The following BCL9L variants were observed in gnomAD, a reference collection of about 807,000 sequenced individuals.
The protein encoded by BCL9L is B-cell CLL/lymphoma 9-like protein.
Under a neutral mutation model 99.4 loss-of-function variants are expected in BCL9L, and 19 were observed. The ratio of observed to expected loss-of-function variants is 0.19; its 90% CI spans 0.13 to 0.28. The LOEUF (loss-of-function observed/expected upper bound fraction) is 0.28. BCL9L is among the 10% of genes least tolerant of loss of function. The pLI is 1.00. For synonymous variants in BCL9L, 900 were observed against 854.8 expected (o/e 1.05, Z -0.92); for missense variants, 2,023 against 2,101.6 (o/e 0.96, Z 0.73).
At chr11:118,919,858 C>T (rs1330634252) in intron 1 of BCL9L, among the ~76,000 whole-genome samples, 1 of 152,196 alleles carries the variant, frequency 6.6e-6, no homozygotes, top group Non-Finnish European at 1.5e-5. Flanking sequence ...CTTTTCTGAG[C>T]TCATCTCCTA....
Position 118,909,926 on chromosome 11 carries a change from G to A in BCL9L, c.14C>T (p.Ala5Val). 1.9e-6 allele frequency: 3 copies of A among 1,614,080 alleles called. No homozygotes were observed. Among genetic ancestry groups the A allele is most frequent in the Non-Finnish European group, 2.5e-6 (3 of 1,179,972 alleles). The change falls in exon 3 of 10, where the codon GCT becomes GTT. Residue 5 changes from alanine (A) to valine (V), a missense_variant. Around this residue, in one of 3 missense-constraint regions of BCL9L, gnomAD observed 1,116 missense variants for 1,194.6 expected, o/e 0.93. Coordinates refer to ENST00000683865, the MANE Select transcript of BCL9L (RefSeq NM_001378213.1). MRIL[A>V]NKTRLPHPRR... Reference sequence around the variant, plus strand: ...GACACCCACACACCTTGTCTTGTTAGCCAGGATCCTCATGGCTCCCACACA... The same window carrying A: ...GACACCCACACACCTTGTCTTGTTAACCAGGATCCTCATGGCTCCCACACA...
rs1940713104 is a variant in BCL9L at position 118,910,034 on chromosome 11, A to G, written c.-76-19T>C. On this transcript the variant is annotated intron_variant, in intron 2 of 9. Transcript: ENST00000683865. ...GCACGGACTGCAGCAACAAGCCCCA[A>G]AGAGAAAACTCGTGACTTGGGGAGG... 6.4e-7 allele frequency: 1 copy of G among 1,568,414 alleles called. No homozygotes were observed. Among genetic ancestry groups the G allele is most frequent in the South Asian group, 1.1e-5 (1 of 89,276 alleles).
Position 118,898,169 on chromosome 11 carries a change from G to T in BCL9L, c.*246C>A, listed in dbSNP as rs976527160. On this transcript the variant is annotated 3_prime_UTR_variant, in exon 10 of 10. Coordinates refer to ENST00000683865, the MANE Select transcript of BCL9L (RefSeq NM_001378213.1). The stretch of plus-strand genomic sequence containing the variant: ...AGGCTCCATAGGAATTGGGAGGAGT[G>T]GGGGAGGGGCAGTCCTGGTGGCCGA... 1.0e-5 allele frequency: 6 copies of T among 593,494 alleles called. No individual in the cohort carries two copies. The highest frequency in any genetic ancestry group is 6.1e-5 in the South Asian group (3 of 48,950). 36.8% of individuals were successfully genotyped at this position (593,494 alleles called of 1,614,324 possible). A position where few individuals can be genotyped will look rare whatever the true frequency, so the allele number is the denominator to read the frequency against.
In BCL9L at chr11:118,925,877, T is replaced by A. The variant is rs1252856349; in HGVS notation, c.-770A>T. On this transcript the variant is annotated 5_prime_UTR_variant, in exon 1 of 10. Transcript: ENST00000683865. The surrounding 1 kb of genome is among the most constrained non-coding windows in gnomAD (Gnocchi z 6.4). ...GCCGCCTCCCCGGGCTCCCCTGCGC[T>A]GCCGGAGCCTCGCTTGCCCCTCCAC... is the stretch of plus-strand genomic sequence containing the variant. 1.3e-5 allele frequency among the ~76,000 whole-genome samples: 2 copies of A among 151,922 alleles called. No individual in the cohort carries two copies. Among genetic ancestry groups the A allele is most frequent in the African/African-American group, 2.4e-5 (1 of 41,392 alleles).
In BCL9L at chr11:118,903,026, G is replaced by A. The variant is rs149525263; in HGVS notation, c.798C>T (p.Tyr266=). The A allele has an allele frequency of 5.0e-6, 8 of 1,595,370 alleles. No individual in the cohort carries two copies. Among genetic ancestry groups the A allele is most frequent in the Non-Finnish European group, 5.1e-6 (6 of 1,174,866 alleles). The change falls in exon 7 of 10, where the codon TAC becomes TAT. Residue 266 remains tyrosine (Y), a synonymous_variant. Coordinates refer to ENST00000683865, the MANE Select transcript of BCL9L (RefSeq NM_001378213.1). This position sits in a 1 kb window ranked among gnomAD's most constrained non-coding sequence, Gnocchi z 5.6. ...TGGCCCGGGGCACGTTCTGCTGGTG[G>A]TAGGCGAGGATGGAGTCGGCCCGGC... ...LQGRADSILA[Y]HQQNVPRAKL... is the part of the protein sequence containing the mutation.
chr11:118,898,862 C>A lies in BCL9L; in HGVS notation c.4053G>T (p.Lys1351Asn), dbSNP rs778416047. 6.2e-7 allele frequency: 1 copy of A among 1,614,008 alleles called. No homozygotes were observed. Among genetic ancestry groups the A allele is most frequent in the South Asian group, 1.1e-5 (1 of 91,082 alleles). The stretch of plus-strand genomic sequence containing the variant: ...TGAGATGCAGATTAGGGGGCTGAGC[C>A]TTGGGGGGCTGGTTCTCGCTCTTGG... ...YFPKSENQPP[K>N]AQPPNLHLMN... The change falls in exon 10 of 10, where the codon AAG becomes AAT. Residue 1351 changes from lysine (K) to asparagine (N), a missense_variant. Physicochemically the swap from Lys to Asn is moderately conservative, Grantham distance 94. Transcript: ENST00000683865.
At chr11:118,924,266 C>T (rs1388547947) in intron 1 of BCL9L, among the ~76,000 whole-genome samples, 2 of 151,950 alleles carry the variant, frequency 1.3e-5, no homozygotes, top group Non-Finnish European at 2.9e-5. Flanking sequence ...CTCAAACACA[C>T]GCCCAGTTCA....
chr11:118,924,846 T>A (rs1403786761), intron 1 of BCL9L, among the ~76,000 whole-genome samples: 3 of 152,184 alleles, frequency 2.0e-5, no homozygotes, highest in African/African-American at 7.2e-5. Flanking sequence ...TGGAGGCTCC[T>A]ATCAGCCAGA....
intron 2 of BCL9L, among the ~76,000 whole-genome samples, chr11:118,911,473 C>T (rs1429322959): frequency 1.3e-5 from 2 of 152,218 alleles, no homozygotes; most frequent in Admixed American, 1.3e-4. Flanking sequence ...GTTCCAAAGT[C>T]CAGGACCTGC....
At chr11:118,906,252 T>A (rs1436464669) in intron 5 of BCL9L, among the ~76,000 whole-genome samples, 1 of 152,156 alleles carries the variant, frequency 6.6e-6, no homozygotes, top group Non-Finnish European at 1.5e-5. Context: ...TGATGTGACA[T>A]AAGTGAACTG....
At chr11:118,907,392 A>G in intron 5 of BCL9L, 91 bp downstream of exon 5, 1 of 1,595,444 alleles carries the variant, frequency 6.3e-7, no homozygotes. Context: ...CAGGACTCCC[A>G]GTCCTCACTT....
Position 118,901,269 on chromosome 11 carries a change from C to A in BCL9L, c.2474G>T (p.Ser825Ile). The A allele has an allele frequency of 2.5e-6, 4 of 1,614,048 alleles. No homozygotes were observed. The highest frequency in any genetic ancestry group is 3.4e-6 in the Non-Finnish European group (4 of 1,179,986). The change falls in exon 8 of 10, where the codon AGC becomes ATC. Residue 825 changes from serine (S) to isoleucine (I), a missense_variant. Transcript: ENST00000683865. This position sits in a 1 kb window ranked among gnomAD's most constrained non-coding sequence, Gnocchi z 6.6. ...EEMARVRAQN[S>I]SGVMGGPQKM... is the part of the protein sequence containing the mutation. ...CTGCGGGCCGCCCATCACGCCACTGCTGTTCTGGGCCCGAACCCGGGCCAT... is the reference window on the plus strand; with the variant it reads ...CTGCGGGCCGCCCATCACGCCACTGATGTTCTGGGCCCGAACCCGGGCCAT...
intron 2 of BCL9L, among the ~76,000 whole-genome samples, chr11:118,918,164 C>G (rs1301107872): frequency 1.3e-5 from 2 of 152,200 alleles, no homozygotes; most frequent in African/African-American, 4.8e-5. Context: ...CCAGCTTCCT[C>G]CAGCTTTCCC....
intron 1 of BCL9L, among the ~76,000 whole-genome samples, chr11:118,920,005 T>G (rs1049217123): frequency 6.6e-6 from 1 of 152,168 alleles, no homozygotes; most frequent in Non-Finnish European, 1.5e-5. Context: ...CCTCCCACTG[T>G]GCTCTGGGAC....
At chr11:118,915,584 A>C (rs1940939266) in intron 2 of BCL9L, among the ~76,000 whole-genome samples, 1 of 152,132 alleles carries the variant, frequency 6.6e-6, no homozygotes, top group Non-Finnish European at 1.5e-5. Flanking sequence ...ATGAACCCAG[A>C]GAGGGGCTGG....
rs1003202120 is a variant in BCL9L at position 118,914,266 on chromosome 11, G to A, written c.-76-4251C>T. Among the ~76,000 whole-genome samples the A allele has an allele frequency of 3.3e-5, 5 of 152,140 alleles. No homozygotes were observed. Among genetic ancestry groups the A allele is most frequent in the Admixed American group, 2.0e-4 (3 of 15,282 alleles). On this transcript the variant is annotated intron_variant, in intron 2 of 9. Coordinates refer to ENST00000683865, the MANE Select transcript of BCL9L (RefSeq NM_001378213.1). The surrounding 1 kb of genome is among the most constrained non-coding windows in gnomAD (Gnocchi z 4.4). ...CCTATTTAGGGGGGTAGGGGTGGCC[G>A]AGGAACCTCCTCCAAACTGCCTGGC...
At position 118,908,195 on chromosome 11, in the gene BCL9L, G is replaced by A. The variant is rs1443435591; in HGVS notation, c.412+75C>T. 26 of 1,497,654 alleles carry A rather than the reference G, an allele frequency of 1.7e-5. No homozygotes were observed. In the East Asian group the frequency reaches 5.1e-4, roughly 29 times the overall value. 92.8% of individuals were successfully genotyped at this position (1,497,654 alleles called of 1,614,324 possible). A position where few individuals can be genotyped will look rare whatever the true frequency, so the allele number is the denominator to read the frequency against. On this transcript the variant is annotated intron_variant, in intron 4 of 9. Transcript: ENST00000683865. ...GAGGACTGGACAAGCAGGGAGCAGA[G>A]AGGTGATCTCCCAGAACATCTGAGC... is the stretch of plus-strand genomic sequence containing the variant.
intron 2 of BCL9L, among the ~76,000 whole-genome samples, chr11:118,912,120 G>C (rs937691507): frequency 7.9e-5 from 12 of 152,094 alleles, no homozygotes; most frequent in Non-Finnish European, 1.6e-4. Flanking sequence ...CCCCTCAAGA[G>C]TCTGCCCCAG....
chr11:118,901,882 G>T lies in BCL9L; in HGVS notation c.1861C>A (p.Pro621Thr), dbSNP rs770321626. ...ATGGCATTCATGGGCACCTCCATGG[G>T]CATACTCTGCATGCCCCCAAACCCA... ...VPGFGGMQSM[P>T]MEVPMNAMQR... is the part of the protein sequence containing the mutation. Residue 621 changes from proline to threonine, a missense_variant, in exon 8 of 10, where the codon CCC (proline) becomes ACC (threonine). This residue lies in a region of BCL9L where 1,116 missense variants were observed against 1,194.6 expected (regional missense o/e 0.93). Transcript: ENST00000683865. This position sits in a 1 kb window ranked among gnomAD's most constrained non-coding sequence, Gnocchi z 6.6. 9 of 1,613,440 alleles carry T rather than the reference G, an allele frequency of 5.6e-6. No individual in the cohort carries two copies. In the East Asian group the frequency reaches 1.8e-4, roughly 32 times the overall value.
Sources: allele counts gnomAD v4.1 joint callset (sites outside exome capture counted in the v4.1 genomes callset), GRCh38; gene constraint gnomAD v4.1.1; regional missense constraint gnomAD v4.1.1; non-coding constraint Gnocchi (gnomAD v3.1); transcripts MANE v1.5; gene names NCBI Gene and HGNC (gene_info 2026-07-23, HGNC 2026-07-21).